Variants in KANSL3 observed in about 807,000 individuals in gnomAD.
The protein encoded by KANSL3 is NSL complex protein NSL3.
In KANSL3, 16 loss-of-function variants were observed where a neutral mutation model predicts 89.2. That is an observed-to-expected ratio of 0.18 (90% CI 0.12 to 0.27). The LOEUF is 0.27. KANSL3 is among the 10% of genes least tolerant of loss of function. KANSL3 has a pLI of 1.00. For missense variants in KANSL3, 879 were observed against 1,110.6 expected, an observed-to-expected ratio of 0.79 and a Z score of 2.96; for synonymous variants, 385 against 419.7, an observed-to-expected ratio of 0.92 and a Z score of 1.01.
intron 17 of KANSL3, chr2:96,603,198 T>A: frequency 4.8e-6 from 1 of 209,228 alleles, no homozygotes; most frequent in African/African-American, 2.3e-5. Context: ...AATATCCAAC[T>A]TTCACTTCGC....
the KANSL3 span, among the ~76,000 whole-genome samples, chr2:96,587,169 A>G: frequency 2.0e-5 from 3 of 152,172 alleles, no homozygotes; most frequent in East Asian, 3.8e-4. Flanking sequence ...TTCAATCCCA[A>G]TGAGTGGTAA....
intron 19 of KANSL3, 93 bp from the exon 20 acceptor site, chr2:96,601,869 C>T (rs2067233823): frequency 2.7e-6 from 4 of 1,458,930 alleles, no homozygotes; most frequent in African/African-American, 2.8e-5. Context: ...CCCCACATAA[C>T]ACAGTCCCTT....
chr2:96,613,415 T>C (rs558356563), intron 6 of KANSL3, 73 bp downstream of exon 6: 1 of 1,235,168 alleles, frequency 8.1e-7, no homozygotes, highest in East Asian at 2.4e-5. Flanking sequence ...CCATTTATCC[T>C]CCTGCCAAGG....
At chr2:96,633,791 G>C (rs1255661575) in intron 2 of KANSL3, among the ~76,000 whole-genome samples, 1 of 152,036 alleles carries the variant, frequency 6.6e-6, no homozygotes, top group East Asian at 1.9e-4. Context: ...CTTGAATCCG[G>C]GAGGCGGAGG....
At chr2:96,589,133 A>G (rs2066258453), downstream of KANSL3, among the ~76,000 whole-genome samples, 1 of 152,216 alleles carries the variant, frequency 6.6e-6, no homozygotes, top group Non-Finnish European at 1.5e-5. Flanking sequence ...AAAAGTGTTC[A>G]AGTAACCCAC....
At chr2:96,622,119 A>C (rs1347696267) in intron 3 of KANSL3, among the ~76,000 whole-genome samples, 1 of 89,854 alleles carries the variant, frequency 1.1e-5, no homozygotes, top group Non-Finnish European at 2.7e-5. Flanking sequence ...AGCTCAAAAA[A>C]AAAAAAAAAA....
intron 15 of KANSL3, 95 bp downstream of exon 15, chr2:96,605,225 A>G: frequency 8.8e-7 from 1 of 1,136,612 alleles, no homozygotes; most frequent in Non-Finnish European, 1.3e-6. Context: ...CTCAAAATAA[A>G]GCAAAGGCTG....
At chr2:96,617,156 C>T (rs1558727446) in intron 5 of KANSL3, among the ~76,000 whole-genome samples, 2 of 152,124 alleles carry the variant, frequency 1.3e-5, no homozygotes, top group South Asian at 2.1e-4. Flanking sequence ...ACTCACCTCC[C>T]GGGTCCAGGG....
intron 6 of KANSL3, 35 bp downstream of exon 6, chr2:96,613,453 T>C: frequency 6.4e-7 from 1 of 1,562,804 alleles, no homozygotes; most frequent in Non-Finnish European, 8.7e-7. Flanking sequence ...AAAATTTTTA[T>C]GTACCATTGT....
intron 20 of KANSL3, chr2:96,598,088 A>T (rs2066716055): frequency 1.0e-6 from 1 of 985,198 alleles, no homozygotes; most frequent in Non-Finnish European, 1.2e-6. Context: ...TACCTAACAC[A>T]GGAGGAAGGG....
rs1399459265 is a variant in KANSL3 at position 96,631,517 on chromosome 2, C to T, written c.216-35G>A. The T allele has an allele frequency of 6.4e-6, 10 of 1,552,394 alleles. No individual in the cohort carries two copies. In the South Asian group the frequency reaches 8.3e-5, roughly 13 times the overall value. On this transcript the variant is annotated intron_variant, in intron 2 of 20. Coordinates refer to ENST00000431828, the MANE Select transcript of KANSL3 (RefSeq NM_001115016.3). ...GGTGAGGAAATAGGACCGGGCCACA[C>T]ATACTTCACAGGTATTTAACAATCA...
chr2:96,588,691 A>G (rs980589020), downstream of KANSL3, among the ~76,000 whole-genome samples: 1 of 152,062 alleles, frequency 6.6e-6, no homozygotes, highest in Non-Finnish European at 1.5e-5. Context: ...CCTGGGTTCA[A>G]GCAATTCTCG....
At chr2:96,619,849 T>C in intron 3 of KANSL3, 87 bp from the exon 4 acceptor site, 3 of 1,065,140 alleles carry the variant, frequency 2.8e-6, no homozygotes, top group Non-Finnish European at 4.1e-6. Context: ...TATGCCATAG[T>C]TTTATGTCTC....
chr2:96,598,204 C>T, intron 20 of KANSL3: 2 of 841,328 alleles, frequency 2.4e-6, no homozygotes, highest in Non-Finnish European at 2.9e-6. Flanking sequence ...TTCTATCAAC[C>T]CATCAAGGAA....
At chr2:96,587,773 A>G in the KANSL3 span, among the ~76,000 whole-genome samples, 1 of 152,262 alleles carries the variant, frequency 6.6e-6, no homozygotes, top group Non-Finnish European at 1.5e-5. Context: ...GAGCAATATC[A>G]CACTAAGACA....
chr2:96,581,774 T>G, the KANSL3 span, among the ~76,000 whole-genome samples: 1 of 152,242 alleles, frequency 6.6e-6, no homozygotes, highest in Non-Finnish European at 1.5e-5. Flanking sequence ...ATGTTTTGTT[T>G]TGAGGATTTT....
chr2:96,616,220 T>C (rs990217760), intron 5 of KANSL3, among the ~76,000 whole-genome samples: 4 of 152,358 alleles, frequency 2.6e-5, no homozygotes, highest in African/African-American at 7.2e-5. Flanking sequence ...ATCTTCATGT[T>C]CTTTGTAACT....
At chr2:96,602,424 G>T in intron 18 of KANSL3, 86 bp from the exon 19 acceptor site, 1 of 992,864 alleles carries the variant, frequency 1.0e-6, no homozygotes, top group Non-Finnish European at 1.5e-6. Context: ...TATTATTAAA[G>T]GCTAACATGT....
chr2:96,600,805 A>G (rs937436261), intron 20 of KANSL3: 4 of 985,332 alleles, frequency 4.1e-6, no homozygotes, highest in Non-Finnish European at 4.8e-6. Flanking sequence ...GGTGAGACCT[A>G]TAAAAACCTA....
Sources: allele counts gnomAD v4.1 joint callset (sites outside exome capture counted in the v4.1 genomes callset), GRCh38; gene constraint gnomAD v4.1.1; transcripts MANE v1.5; gene names NCBI Gene and HGNC (gene_info 2026-07-23, HGNC 2026-07-21).